CSMD3: variants seen among roughly 807,000 people sequenced by gnomAD.
CSMD3 encodes the protein CUB and sushi domain-containing protein 3.
CSMD3 carries 177 observed loss-of-function variants against 435.2 expected under a neutral mutation model. That is an observed-to-expected ratio of 0.41 (90% confidence interval 0.36 to 0.46). The LOEUF (loss-of-function observed/expected upper bound fraction) is 0.46, where lower values mean the gene tolerates loss of function less well. Ranked by LOEUF, CSMD3 falls within the 20% of genes least tolerant of loss-of-function variation. CSMD3 has a pLI of 0.34. For missense variants in CSMD3, 4,265 were observed against 4,504.6 expected, an observed-to-expected ratio of 0.95 and a Z score of 1.52; for synonymous variants, 1,656 against 1,520.5, an observed-to-expected ratio of 1.09 and a Z score of -2.07.
intron 13 of CSMD3, among the ~76,000 whole-genome samples, chr8:112,702,827 G>T (rs371511154): frequency 1.3e-5 from 2 of 151,978 alleles, no homozygotes; most frequent in African/African-American, 4.8e-5. Context: ...ATGTAAGGCA[G>T]CCCACTCCAT....
intron 13 of CSMD3, among the ~76,000 whole-genome samples, chr8:112,785,725 C>T (rs1230390997): frequency 9.2e-5 from 14 of 151,614 alleles, no homozygotes; most frequent in Non-Finnish European, 8.8e-5. Context: ...TAAATTTAAT[C>T]AAAGAAGTGA....
chr8:113,358,357 GA>G (rs1455954082), intron 1 of CSMD3, among the ~76,000 whole-genome samples: 5 of 152,062 alleles, frequency 3.3e-5, no homozygotes, highest in African/African-American at 1.2e-4. Context: ...TTAAAAATAG[GA>G]AACTTTTTTT....
At chr8:113,142,101 A>T (rs1193637333) in intron 4 of CSMD3, among the ~76,000 whole-genome samples, 2 of 151,220 alleles carry the variant, frequency 1.3e-5, no homozygotes, top group East Asian at 3.9e-4. Context: ...AAATTATAAA[A>T]TGCTAATGGA....
At chr8:112,653,746 A>T (rs1586898261) in intron 18 of CSMD3, among the ~76,000 whole-genome samples, 1 of 135,176 alleles carries the variant, frequency 7.4e-6, no homozygotes, top group Non-Finnish European at 1.6e-5. Flanking sequence ...TGCAACCTCC[A>T]CCTCCCAGGT....
intron 32 of CSMD3, among the ~76,000 whole-genome samples, chr8:112,451,409 G>T (rs1816253601): frequency 6.6e-6 from 1 of 151,906 alleles, no homozygotes; most frequent in Non-Finnish European, 1.5e-5. Flanking sequence ...ATTCTTGAAG[G>T]TTTTAAAATG....
chr8:113,240,208 T>C (rs989356625), intron 3 of CSMD3, among the ~76,000 whole-genome samples: 1 of 152,206 alleles, frequency 6.6e-6, no homozygotes, highest in Admixed American at 6.6e-5. Flanking sequence ...TATTGCTTCA[T>C]AGTATTCCAT....
intron 13 of CSMD3, among the ~76,000 whole-genome samples, chr8:112,719,583 G>T (rs894733782): frequency 1.1e-4 from 17 of 152,068 alleles, no homozygotes. Context: ...TCTCTTCTTA[G>T]AAGGGCACTG....
chr8:112,677,284 A>G (rs1276072773), intron 16 of CSMD3, among the ~76,000 whole-genome samples: 2 of 151,628 alleles, frequency 1.3e-5, no homozygotes, highest in African/African-American at 4.8e-5. Flanking sequence ...CAGGGAAATA[A>G]ATGATAATGA....
intron 11 of CSMD3, among the ~76,000 whole-genome samples, chr8:112,846,574 T>A (rs2129647090): frequency 6.6e-6 from 1 of 151,914 alleles, no homozygotes; most frequent in African/African-American, 2.4e-5. Flanking sequence ...ACTTGGTTAA[T>A]TTTTAAAAAT....
chr8:113,363,401 CT>C (rs1372381793), intron 1 of CSMD3, among the ~76,000 whole-genome samples: 2 of 152,086 alleles, frequency 1.3e-5, no homozygotes, highest in Admixed American at 1.3e-4. Flanking sequence ...GTATTAGTTT[CT>C]GGTTGCAGCT....
chr8:113,151,700 C>T (rs1256988511), intron 4 of CSMD3, among the ~76,000 whole-genome samples: 1 of 151,888 alleles, frequency 6.6e-6, no homozygotes, highest in African/African-American at 2.4e-5. Context: ...TAGAATCAAA[C>T]AATGTTCTTC....
intron 22 of CSMD3, among the ~76,000 whole-genome samples, chr8:112,622,704 C>G (rs1834171590): frequency 6.6e-6 from 1 of 152,122 alleles, no homozygotes; most frequent in South Asian, 2.1e-4. Context: ...ATTGCGTTAT[C>G]TGGCACACGT....
chr8:113,167,295 C>T (rs1294141889), intron 4 of CSMD3, among the ~76,000 whole-genome samples: 1 of 152,154 alleles, frequency 6.6e-6, no homozygotes, highest in Non-Finnish European at 1.5e-5. Context: ...TAGTTTTGAG[C>T]ACCTTCTATG....
intron 5 of CSMD3, among the ~76,000 whole-genome samples, chr8:113,073,358 C>G (rs975469070): frequency 6.6e-6 from 1 of 151,496 alleles, no homozygotes; most frequent in East Asian, 1.9e-4. Flanking sequence ...TTCGTAAATT[C>G]TTTGATAAAA....
In CSMD3 at chr8:112,685,570, T is replaced by C. The variant is rs767326344; in HGVS notation, c.2318A>G (p.Asp773Gly). ...FNDFDLESQF[D>G]FLAVKDGDSP... The stretch of plus-strand genomic sequence containing the variant: ...GTCACCATCTTTAACAGCAAGGAAA[T>C]CAAACTGGGATTCCAGGTCAAAGTC... The change falls in exon 15 of 71, where the codon GAT (aspartate) becomes GGT (glycine). Residue 773 changes from aspartate to glycine, a missense_variant. Physicochemically the swap from Asp to Gly is moderately conservative, Grantham distance 94. Coordinates refer to ENST00000297405, the MANE Select transcript of CSMD3 (RefSeq NM_198123.2). The C allele has an allele frequency of 3.7e-6, 6 of 1,613,912 alleles. No homozygotes were observed. The highest frequency in any genetic ancestry group is 5.1e-6 in the Non-Finnish European group (6 of 1,179,968).
chr8:113,010,608 A>C (rs1000522212), intron 6 of CSMD3, among the ~76,000 whole-genome samples: 3 of 151,792 alleles, frequency 2.0e-5, no homozygotes, highest in African/African-American at 7.2e-5. Flanking sequence ...TGAAATAAAA[A>C]TCATTAAGTT....
At chr8:112,660,880 A>G (rs941444758) in intron 17 of CSMD3, among the ~76,000 whole-genome samples, 3 of 152,206 alleles carry the variant, frequency 2.0e-5, no homozygotes, top group Admixed American at 2.0e-4. Flanking sequence ...GGGAAGTGGA[A>G]GAAGCCATGA....
intron 30 of CSMD3, among the ~76,000 whole-genome samples, chr8:112,497,365 G>A (rs1459745162): frequency 2.0e-5 from 3 of 151,556 alleles, no homozygotes; most frequent in Admixed American, 6.6e-5. Context: ...CGTATAATTG[G>A]AATGTTTGTA....
chr8:112,994,755 A>G (rs1230755308), intron 6 of CSMD3, among the ~76,000 whole-genome samples: 1 of 151,570 alleles, frequency 6.6e-6, no homozygotes, highest in African/African-American at 2.4e-5. Flanking sequence ...AGACCAGTGT[A>G]GCTCAGTGTT....
Sources: allele counts gnomAD v4.1 joint callset (sites outside exome capture counted in the v4.1 genomes callset), GRCh38; gene constraint gnomAD v4.1.1; transcripts MANE v1.5; gene names NCBI Gene and HGNC (gene_info 2026-07-23, HGNC 2026-07-21).